The following CTNNA2 variants were observed in gnomAD, a reference collection of about 807,000 sequenced individuals.
CTNNA2 encodes catenin alpha 2, also known as catenin alpha-2.
A neutral mutation model predicts 101.0 loss-of-function variants in CTNNA2; 42 were observed. The ratio of observed to expected loss-of-function variants is 0.42; its 90% CI spans 0.32 to 0.54. CTNNA2 has a LOEUF of 0.54. CTNNA2 is among the 20% of genes least tolerant of loss of function. The pLI is 0.14. For missense variants in CTNNA2, 871 were observed against 1,223.1 expected (o/e 0.71, Z 4.29); for synonymous variants, 450 against 456.4 (o/e 0.99, Z 0.18).
intron 2 of CTNNA2, among the ~76,000 whole-genome samples, chr2:79,219,754 G>A (rs2104218608): frequency 6.6e-6 from 1 of 152,302 alleles, no homozygotes; most frequent in East Asian, 1.9e-4. Context: ...CCATGGAACA[G>A]GGCAAATGAA....
chr2:80,411,132 C>A (rs1358363381), intron 8 of CTNNA2, among the ~76,000 whole-genome samples: 1 of 152,176 alleles, frequency 6.6e-6, no homozygotes, highest in Non-Finnish European at 1.5e-5. Context: ...CCAGTTAGAA[C>A]CCTAAGAAAC....
At chr2:79,636,964 A>AT (rs1375433918) in intron 1 of CTNNA2, 1 of 152,164 alleles carries the variant, frequency 6.6e-6, no homozygotes, top group African/African-American at 2.4e-5. Context: ...GGGAAATCAC[A>AT]TGATGTCCAT....
chr2:80,524,205 T>C (rs1689824507), intron 9 of CTNNA2, among the ~76,000 whole-genome samples: 1 of 152,128 alleles, frequency 6.6e-6, no homozygotes, highest in Non-Finnish European at 1.5e-5. Context: ...ATTTAGGTGA[T>C]CAGGGGAGAT....
intron 9 of CTNNA2, among the ~76,000 whole-genome samples, chr2:80,442,891 C>T (rs774847349): frequency 2.6e-5 from 4 of 152,132 alleles, no homozygotes; most frequent in Admixed American, 2.0e-4. Context: ...AACAAAGGGA[C>T]CTTAGCTCTG....
chr2:79,306,820 A>T (rs1676259245), intron 2 of CTNNA2, among the ~76,000 whole-genome samples: 1 of 152,230 alleles, frequency 6.6e-6, no homozygotes, highest in African/African-American at 2.4e-5. Context: ...GCAAATGGCT[A>T]TAAGATGATG....
At chr2:80,081,274 C>T (rs954865630) in intron 7 of CTNNA2, among the ~76,000 whole-genome samples, 1 of 151,908 alleles carries the variant, frequency 6.6e-6, no homozygotes, top group Admixed American at 6.6e-5. Context: ...CATTTTATAG[C>T]AGGCTTTACA....
At position 80,591,125 on chromosome 2, in the gene CTNNA2, A is replaced by G. The variant is rs142798533; in HGVS notation, c.2189+1640A>G. Among the ~76,000 whole-genome samples the G allele has an allele frequency of 2.6e-3, 391 of 152,312 alleles. 2 individuals carry two copies. Among genetic ancestry groups the G allele is most frequent in the African/African-American group, 7.4e-3 (308 of 41,570 alleles). On this transcript the variant is annotated intron_variant, in intron 15 of 18. Transcript: ENST00000402739. ...TCTCTAGATTATATAACTGTGGTCAAGGCACAGTTATGAAAGATATATTTG... is the reference window on the plus strand; with the variant it reads ...TCTCTAGATTATATAACTGTGGTCAGGGCACAGTTATGAAAGATATATTTG...
At chr2:79,278,624 A>G (rs562814079) in intron 2 of CTNNA2, among the ~76,000 whole-genome samples, 2 of 152,184 alleles carry the variant, frequency 1.3e-5, no homozygotes, top group South Asian at 4.1e-4. Flanking sequence ...GTGAAATCCT[A>G]ATTTTTTCTA....
chr2:80,348,788 G>A (rs908431756), intron 7 of CTNNA2, among the ~76,000 whole-genome samples: 9 of 151,948 alleles, frequency 5.9e-5, no homozygotes, highest in African/African-American at 2.2e-4. Context: ...GAAGTTAGGG[G>A]AATTGAAGGT....
At chr2:80,374,814 G>A (rs952758385) in intron 7 of CTNNA2, among the ~76,000 whole-genome samples, 2 of 151,756 alleles carry the variant, frequency 1.3e-5, no homozygotes, top group African/African-American at 2.4e-5. Flanking sequence ...TTTAAAGGTC[G>A]TATCGCCCAA....
chr2:79,849,286 A>G (rs1680484292), intron 3 of CTNNA2, among the ~76,000 whole-genome samples: 1 of 149,024 alleles, frequency 6.7e-6, no homozygotes, highest in Admixed American at 6.8e-5. Context: ...GGCTTGCATG[A>G]TAGGGTTTTT....
chr2:79,270,164 A>G (rs184735421), intron 2 of CTNNA2, among the ~76,000 whole-genome samples: 1 of 152,092 alleles, frequency 6.6e-6, no homozygotes, highest in African/African-American at 2.4e-5. Context: ...GTTTCACAGG[A>G]AAAACATTGA....
intron 2 of CTNNA2, among the ~76,000 whole-genome samples, chr2:79,296,702 C>G (rs897359934): frequency 6.6e-5 from 10 of 152,184 alleles, no homozygotes; most frequent in African/African-American, 2.4e-4. Flanking sequence ...TCTCCACTCT[C>G]TGCCCTCACC....
intron 1 of CTNNA2, among the ~76,000 whole-genome samples, chr2:79,618,547 C>T (rs1344891973): frequency 2.0e-5 from 3 of 152,076 alleles, no homozygotes; most frequent in Non-Finnish European, 2.9e-5. Context: ...AACAGGGTCA[C>T]CTCTTAAGAG....
intron 3 of CTNNA2, among the ~76,000 whole-genome samples, chr2:79,372,339 G>C (rs1677891362): frequency 6.6e-6 from 1 of 152,100 alleles, no homozygotes; most frequent in South Asian, 2.1e-4. Flanking sequence ...GGTCATGTTA[G>C]AGTTACCTAC....
chr2:79,982,228 ATATATATATATATG>A (rs1357428428), intron 7 of CTNNA2, among the ~76,000 whole-genome samples: 2,750 of 99,614 alleles, frequency 0.028, 115 homozygotes, highest in African/African-American at 0.044. Flanking sequence ...ATATATATAT[ATATATATATATATG>A]TATGTATATG....
At chr2:79,786,876 G>A (rs1043555458) in intron 3 of CTNNA2, among the ~76,000 whole-genome samples, 9 of 151,822 alleles carry the variant, frequency 5.9e-5, no homozygotes, top group Non-Finnish European at 2.9e-5. Flanking sequence ...ACTGTTTATC[G>A]ATCTGGGAAC....
At chr2:79,392,415 A>G (rs1315587547) in intron 4 of CTNNA2, among the ~76,000 whole-genome samples, 3 of 152,216 alleles carry the variant, frequency 2.0e-5, no homozygotes, top group Admixed American at 2.0e-4. Flanking sequence ...AAACCTCAGA[A>G]AAGGATCAAT....
At chr2:79,265,001 A>AT (rs1344733659) in intron 2 of CTNNA2, among the ~76,000 whole-genome samples, 1 of 152,032 alleles carries the variant, frequency 6.6e-6, no homozygotes, top group African/African-American at 2.4e-5. Flanking sequence ...CTCCCACTGC[A>AT]TTTTTCATTA....
Sources: gnomAD v4.1 joint callset for allele counts (sites outside exome capture counted in the v4.1 genomes callset) on GRCh38, gnomAD v4.1.1 for gene constraint, MANE v1.5 for transcripts, NCBI Gene and HGNC (gene_info 2026-07-23, HGNC 2026-07-21) for gene names.